Variants in MORN5 observed in about 807,000 individuals in gnomAD.
MORN5 encodes the protein MORN repeat-containing protein 5.
In MORN5, 21 loss-of-function variants were observed where a neutral mutation model predicts 22.1. The ratio of observed to expected loss-of-function variants is 0.95; its 90% CI spans 0.67 to 1.37. The LOEUF is 1.37. MORN5 is among the 40% of genes most tolerant of loss of function. The pLI is 0.00. For missense variants in MORN5, 211 were observed against 215.1 expected (o/e 0.98, Z 0.12); for synonymous variants, 73 against 74.0 (o/e 0.99, Z 0.07).
chr9:122,191,109 C>T (rs1272338491), intron 4 of MORN5, among the ~76,000 whole-genome samples: 1 of 152,198 alleles, frequency 6.6e-6, no homozygotes, highest in Non-Finnish European at 1.5e-5. Flanking sequence ...CGGCATAAGC[C>T]CTGGGCTGTC....
At chr9:122,172,022 A>T (rs1470260719) in intron 3 of MORN5, among the ~76,000 whole-genome samples, 20 of 134,176 alleles carry the variant, frequency 1.5e-4, no homozygotes, top group Non-Finnish European at 6.1e-5. Flanking sequence ...TGGTATGATC[A>T]TAGCTCACTG....
At chr9:122,194,500 GAGA>G (rs1441146709) in intron 4 of MORN5, among the ~76,000 whole-genome samples, 1 of 152,200 alleles carries the variant, frequency 6.6e-6, no homozygotes, top group Non-Finnish European at 1.5e-5. Context: ...TAGGGTCATT[GAGA>G]AGGTGACATT....
At chr9:122,167,239 G>T (rs930448258) in intron 2 of MORN5, among the ~76,000 whole-genome samples, 5 of 151,256 alleles carry the variant, frequency 3.3e-5, no homozygotes, top group Admixed American at 2.0e-4. Flanking sequence ...GTAGAGATTG[G>T]GTTTCACCAT....
At chr9:122,185,568 G>A (rs1829614680) in intron 4 of MORN5, among the ~76,000 whole-genome samples, 1 of 151,672 alleles carries the variant, frequency 6.6e-6, no homozygotes, top group African/African-American at 2.4e-5. Flanking sequence ...CACCGTGTTA[G>A]CCAGGATGGT....
chr9:122,172,435 C>A (rs186100423), intron 3 of MORN5, among the ~76,000 whole-genome samples: 6 of 152,202 alleles, frequency 3.9e-5, no homozygotes, highest in African/African-American at 1.2e-4. Context: ...TTCTCTCTCC[C>A]CTCTTGCGAT....
chr9:122,187,550 T>C (rs1169281140), intron 4 of MORN5, among the ~76,000 whole-genome samples: 1 of 152,070 alleles, frequency 6.6e-6, no homozygotes, highest in East Asian at 1.9e-4. Context: ...AGGGAACATA[T>C]ACATAAATAG....
intron 4 of MORN5, among the ~76,000 whole-genome samples, chr9:122,191,231 C>T (rs1588315160): frequency 6.6e-6 from 1 of 152,202 alleles, no homozygotes. Context: ...ACCATGTGCA[C>T]GCCTCCCCTC....
chr9:122,162,626 A>C (rs928401283), intron 1 of MORN5, among the ~76,000 whole-genome samples: 9 of 152,242 alleles, frequency 5.9e-5, no homozygotes, highest in African/African-American at 1.7e-4. Context: ...ATTCATTGGA[A>C]TACTACTCAG....
At chr9:122,172,611 G>A (rs1829382411) in intron 3 of MORN5, among the ~76,000 whole-genome samples, 1 of 152,050 alleles carries the variant, frequency 6.6e-6, no homozygotes, top group African/African-American at 2.4e-5. Flanking sequence ...CCCACACTAG[G>A]TAAGGTCTCC....
chr9:122,175,504 C>A (rs770048370), intron 4 of MORN5: 5 of 985,234 alleles, frequency 5.1e-6, no homozygotes, highest in Non-Finnish European at 6.0e-6. Flanking sequence ...TAAACTTATC[C>A]TTTTCTGAAG....
intron 4 of MORN5, among the ~76,000 whole-genome samples, chr9:122,198,624 T>C (rs1284689994): frequency 1.3e-5 from 2 of 152,110 alleles, no homozygotes; most frequent in Admixed American, 1.3e-4. Flanking sequence ...GCAGGACTCG[T>C]TGACCCTCCT....
At chr9:122,183,825 A>G (rs551335641) in intron 4 of MORN5, among the ~76,000 whole-genome samples, 13 of 152,346 alleles carry the variant, frequency 8.5e-5, no homozygotes, top group African/African-American at 3.1e-4. Context: ...CTTCAGTCAG[A>G]AACAATGGCT....
intron 4 of MORN5, among the ~76,000 whole-genome samples, chr9:122,196,390 G>A (rs1042656287): frequency 5.4e-5 from 8 of 149,182 alleles, no homozygotes; most frequent in African/African-American, 1.7e-4. Context: ...CTGGAGGGCA[G>A]TGGCGCAATC....
At chr9:122,173,514 A>C (rs1829396557) in intron 3 of MORN5, among the ~76,000 whole-genome samples, 1 of 152,214 alleles carries the variant, frequency 6.6e-6, no homozygotes, top group Non-Finnish European at 1.5e-5. Flanking sequence ...TACTGTGTGC[A>C]AGACACTGAG....
At chr9:122,168,799 C>T (rs1178161653) in intron 2 of MORN5, among the ~76,000 whole-genome samples, 1 of 152,074 alleles carries the variant, frequency 6.6e-6, no homozygotes, top group African/African-American at 2.4e-5. Context: ...TTCAGAGACA[C>T]AAAACCAATA....
At chr9:122,172,635 C>G (rs561390715) in intron 3 of MORN5, among the ~76,000 whole-genome samples, 14 of 152,172 alleles carry the variant, frequency 9.2e-5, no homozygotes, top group Non-Finnish European at 1.9e-4. Context: ...TGGCATATCA[C>G]AGCAGCCATG....
chr9:122,195,144 T>A (rs370755889), intron 4 of MORN5, among the ~76,000 whole-genome samples: 2 of 152,352 alleles, frequency 1.3e-5, no homozygotes. Context: ...TCCACTCCTC[T>A]TAGAGAACAT....
intron 4 of MORN5, among the ~76,000 whole-genome samples, chr9:122,184,692 C>T (rs1419817860): frequency 6.6e-6 from 1 of 152,138 alleles, no homozygotes; most frequent in Non-Finnish European, 1.5e-5. Context: ...TATTTTATTT[C>T]ATTTTATTTA....
chr9:122,180,360 A>G (rs2118766099), intron 4 of MORN5, among the ~76,000 whole-genome samples: 1 of 136,150 alleles, frequency 7.3e-6, no homozygotes, highest in Admixed American at 8.8e-5. Context: ...ATCTTGGCTC[A>G]CTGCAACCTC....
Sources: gnomAD v4.1 joint callset for allele counts (sites outside exome capture counted in the v4.1 genomes callset) on GRCh38, gnomAD v4.1.1 for gene constraint, MANE v1.5 for transcripts, NCBI Gene and HGNC (gene_info 2026-07-23, HGNC 2026-07-21) for gene names.